Variants in PCDHA2 observed in about 807,000 individuals in gnomAD.
PCDHA2 encodes the protein protocadherin alpha 2.
A neutral mutation model predicts 66.0 loss-of-function variants in PCDHA2; 58 were observed. That is an observed-to-expected ratio of 0.88 (90% CI 0.71 to 1.09). The LOEUF (loss-of-function observed/expected upper bound fraction) is 1.09, where lower values mean the gene tolerates loss of function less well. Among genes scored for constraint, PCDHA2 ranks in the 50% least tolerant of loss-of-function variants. PCDHA2 has a pLI of 0.00. For missense variants in PCDHA2, 1,267 were observed against 1,242.3 expected (o/e 1.02, Z -0.30); for synonymous variants, 634 against 554.0 (o/e 1.14, Z -2.03).
chr5:140,971,652 G>A (rs1554233517), intron 1 of PCDHA2, among the ~76,000 whole-genome samples: 1 of 152,134 alleles, frequency 6.6e-6, no homozygotes, highest in African/African-American at 2.4e-5. Context: ...ATTAAAAGTA[G>A]ATGGGAATTA....
intron 1 of PCDHA2, chr5:140,835,785 A>G (rs2150244615): frequency 1.2e-6 from 2 of 1,613,238 alleles, no homozygotes; most frequent in Admixed American, 3.3e-5. Context: ...GAAGGAGAAC[A>G]ACCCGCCGGG....
chr5:140,968,962 C>T (rs1554231271), intron 1 of PCDHA2: 29 of 1,614,056 alleles, frequency 1.8e-5, no homozygotes, highest in Non-Finnish European at 2.2e-5. Context: ...TCAAGTGCTA[C>T]CGCTACACTG....
chr5:140,807,842 A>C, intron 1 of PCDHA2: 1 of 1,614,174 alleles, frequency 6.2e-7, no homozygotes. Flanking sequence ...TGATGGAGGC[A>C]AACCCGAGTT....
At chr5:140,861,768 T>TACAA (rs2047071882) in intron 1 of PCDHA2, 1 of 158,832 alleles carries the variant, frequency 6.3e-6, no homozygotes, top group Non-Finnish European at 1.4e-5. Flanking sequence ...TCCCTGGAAA[T>TACAA]ACCAAGAGCA....
At chr5:140,939,350 A>G (rs2153641006) in intron 1 of PCDHA2, among the ~76,000 whole-genome samples, 1 of 152,266 alleles carries the variant, frequency 6.6e-6, no homozygotes, top group East Asian at 1.9e-4. Context: ...ATTTCAACTT[A>G]TGATTGCAAA....
intron 1 of PCDHA2, chr5:140,828,120 G>A (rs1182345858): frequency 2.5e-6 from 4 of 1,612,674 alleles, no homozygotes; most frequent in Non-Finnish European, 3.4e-6. Context: ...GATAGATTGG[G>A]AAAGCAATGT....
At chr5:140,877,926 G>T (rs1554170225) in intron 1 of PCDHA2, 1 of 1,415,760 alleles carries the variant, frequency 7.1e-7, no homozygotes, top group East Asian at 2.5e-5. Flanking sequence ...TTTTCTTTAT[G>T]ATTCTATCCT....
chr5:140,872,829 G>T (rs187637058), intron 1 of PCDHA2, among the ~76,000 whole-genome samples: 6 of 152,156 alleles, frequency 3.9e-5, no homozygotes, highest in African/African-American at 1.4e-4. Flanking sequence ...ATCTAGCAGA[G>T]AAAAAATTAA....
intron 1 of PCDHA2, among the ~76,000 whole-genome samples, chr5:140,887,248 C>T (rs1232310514): frequency 6.6e-6 from 1 of 152,046 alleles, no homozygotes; most frequent in Non-Finnish European, 1.5e-5. Flanking sequence ...CGGCGCCCGC[C>T]ACCACGCCCT....
intron 1 of PCDHA2, chr5:140,829,805 G>A: frequency 6.2e-7 from 1 of 1,613,860 alleles, no homozygotes; most frequent in Non-Finnish European, 8.5e-7. Context: ...TCGGGTGGGT[G>A]GTACTGGTGG....
At chr5:140,856,240 G>A in intron 1 of PCDHA2, 1 of 1,598,050 alleles carries the variant, frequency 6.3e-7, no homozygotes, top group Non-Finnish European at 8.6e-7. Flanking sequence ...GCCTGTTCCG[G>A]GTGGCGTCCA....
intron 1 of PCDHA2, among the ~76,000 whole-genome samples, chr5:140,838,628 T>G (rs1364400587): frequency 2.0e-5 from 3 of 151,994 alleles, no homozygotes; most frequent in African/African-American, 7.3e-5. Flanking sequence ...TTACAAATAA[T>G]TTGGTTGGTC....
chr5:140,967,555 C>T, intron 1 of PCDHA2: 4 of 1,614,008 alleles, frequency 2.5e-6, no homozygotes, highest in Non-Finnish European at 3.4e-6. Flanking sequence ...CCACTTATCG[C>T]GTCCAGCTAC....
At chr5:140,815,431 C>T (rs1765724623) in intron 1 of PCDHA2, 1 of 152,032 alleles carries the variant, frequency 6.6e-6, no homozygotes, top group African/African-American at 2.4e-5. Context: ...AAACTGATAG[C>T]ATCTTTACTA....
intron 1 of PCDHA2, chr5:140,928,209 T>C: frequency 6.2e-7 from 1 of 1,614,222 alleles, no homozygotes; most frequent in South Asian, 1.1e-5. Flanking sequence ...CTGATGTGAA[T>C]GACAATACAC....
In PCDHA2 at chr5:140,931,701, A is replaced by G. The variant is rs78657610; in HGVS notation, c.2389-47248A>G. Among the ~76,000 whole-genome samples the G allele has an allele frequency of 8.3e-3, 1,259 of 152,106 alleles. 10 individuals are homozygous for G. Among genetic ancestry groups the G allele is most frequent in the Non-Finnish European group, 0.014 (970 of 67,850 alleles). ...TAAATGAATTGTGATTCATAAAACC[A>G]TGAATAAAATAACTTCTATAAATAT... On this transcript the variant is annotated intron_variant, in intron 1 of 3. Coordinates refer to ENST00000526136, the MANE Select transcript of PCDHA2 (RefSeq NM_018905.3).
intron 1 of PCDHA2, chr5:140,967,330 C>G: frequency 6.2e-7 from 1 of 1,608,074 alleles, no homozygotes; most frequent in South Asian, 1.1e-5. Context: ...ACGAGCTCAG[C>G]CCCAGCGAGC....
intron 3 of PCDHA2, among the ~76,000 whole-genome samples, chr5:141,008,922 G>A (rs34518527): frequency 0.052 from 7,924 of 152,178 alleles, 248 homozygotes; most frequent in South Asian, 0.11. Flanking sequence ...AATTTATTCA[G>A]CTAATTTTTC....
At chr5:140,985,607 C>T (rs1554247195) in intron 3 of PCDHA2, among the ~76,000 whole-genome samples, 1 of 152,156 alleles carries the variant, frequency 6.6e-6, no homozygotes, top group Non-Finnish European at 1.5e-5. Flanking sequence ...GAGCCCTTTC[C>T]GTGAACCAGC....
Sources: allele counts gnomAD v4.1 joint callset (sites outside exome capture counted in the v4.1 genomes callset), GRCh38; gene constraint gnomAD v4.1.1; transcripts MANE v1.5; gene names NCBI Gene and HGNC (gene_info 2026-07-23, HGNC 2026-07-21).